BIRC3: variants seen among roughly 807,000 people sequenced by gnomAD.
The protein encoded by BIRC3 is baculoviral IAP repeat-containing protein 3.
In BIRC3, 26 loss-of-function variants were observed where a neutral mutation model predicts 59.0. The ratio of observed to expected loss-of-function variants is 0.44; its 90% CI spans 0.32 to 0.61. The LOEUF (loss-of-function observed/expected upper bound fraction) is 0.61. BIRC3 is among the 20% of genes least tolerant of loss of function. BIRC3 has a pLI of 0.04. For synonymous variants in BIRC3, 243 were observed against 249.2 expected (o/e 0.98, Z 0.24); for missense variants, 641 against 711.5 (o/e 0.90, Z 1.13).
intron 6 of BIRC3, among the ~76,000 whole-genome samples, chr11:102,333,187 G>C (rs1368992369): frequency 6.6e-6 from 1 of 151,986 alleles, no homozygotes; most frequent in Admixed American, 6.6e-5. Flanking sequence ...ACACATTTAG[G>C]TTAATGATTA....
chr11:102,321,613 C>G (rs1240344782), intron 1 of BIRC3, among the ~76,000 whole-genome samples: 1 of 152,180 alleles, frequency 6.6e-6, no homozygotes, highest in Non-Finnish European at 1.5e-5. Flanking sequence ...TCTTGGCCTC[C>G]CAAAATGCTG....
Position 102,323,334 on chromosome 11 carries a change from A to G in BIRC3, c.-1176A>G. On this transcript the variant is annotated 5_prime_UTR_variant, in exon 2 of 9. Transcript: ENST00000263464. ...TAACCTGAATATAGCAATGAAGTTC[A>G]GTTTTGTTATTGGTAGTTTGGGCAG... 1 of 193,510 alleles carries G rather than the reference A, an allele frequency of 5.2e-6. No individual in the cohort carries two copies. Among genetic ancestry groups the G allele is most frequent in the Non-Finnish European group, 1.1e-5 (1 of 92,616 alleles). The allele number at this position is 193,510 out of a possible 1,614,324, so 12.0% of individuals were successfully genotyped here.
At position 102,324,749 on chromosome 11, in the gene BIRC3, C is replaced by A. The variant is rs150392143; in HGVS notation, c.240C>A (p.Asp80Glu). ...GLMLDNWKRG[D>E]SPTEKHKKLY... The stretch of plus-strand genomic sequence containing the variant: ...TGCTGGATAACTGGAAAAGAGGAGA[C>A]AGTCCTACTGAAAAGCATAAAAAGT... The change falls in exon 2 of 9, where the codon GAC becomes GAA. Residue 80 changes from aspartate to glutamate, a missense_variant. Coordinates refer to ENST00000263464, the MANE Select transcript of BIRC3 (RefSeq NM_001165.5). 8.1e-6 allele frequency: 13 copies of A among 1,614,032 alleles called. No individual in the cohort carries two copies. The African/African-American group carries it at 1.6e-4, about 20-fold the overall frequency.
In BIRC3 at chr11:102,323,447, T is replaced by G. The variant is rs566100915; in HGVS notation, c.-1063T>G. 1.1e-5 allele frequency: 2 copies of G among 188,676 alleles called. No homozygotes were observed. The highest frequency in any genetic ancestry group is 4.7e-5 in the African/African-American group (2 of 43,006). The allele number at this position is 188,676 out of a possible 1,614,324, so 11.7% of individuals were successfully genotyped here. On this transcript the variant is annotated 5_prime_UTR_variant, in exon 2 of 9. Coordinates refer to ENST00000263464, the MANE Select transcript of BIRC3 (RefSeq NM_001165.5). ...AAGTATACTATTAGAATAAAAAAAC[T>G]TAACATTGAGTTGCTTCAACAGCAT...
chr11:102,333,561 A>G (rs986994406), intron 6 of BIRC3, among the ~76,000 whole-genome samples: 3 of 149,904 alleles, frequency 2.0e-5, no homozygotes, highest in Non-Finnish European at 4.4e-5. Flanking sequence ...AGAGTGAGAC[A>G]CTCTCTAAAA....
chr11:102,335,773 C>T lies in BIRC3; in HGVS notation c.1325-193C>T, dbSNP rs77301422. Among the ~76,000 whole-genome samples, 286 of 152,220 alleles carry T rather than the reference C, an allele frequency of 1.9e-3. 9 individuals are homozygous for T. Among genetic ancestry groups the T allele is most frequent in the East Asian group, 0.014 (74 of 5,182 alleles). ...CTGGTGCTACAGGCATGTGCCACTG[C>T]ACCCTGGATTATAATTATAATAACA... On this transcript the variant is annotated intron_variant, in intron 6 of 8. Transcript: ENST00000263464.
chr11:102,326,342 T>A (rs537460337), intron 3 of BIRC3, among the ~76,000 whole-genome samples: 2 of 152,340 alleles, frequency 1.3e-5, no homozygotes, highest in Non-Finnish European at 2.9e-5. Flanking sequence ...ACTCATCTCA[T>A]CTGTTTTAGT....
At chr11:102,327,914 C>G (rs1321497835) in intron 3 of BIRC3, 138 bp from the exon 4 acceptor site, 2 of 620,104 alleles carry the variant, frequency 3.2e-6, no homozygotes, top group East Asian at 3.1e-5. Flanking sequence ...AATAAATGAT[C>G]TTAAATGATT....
chr11:102,331,995 A>G (rs1951147202), intron 6 of BIRC3, among the ~76,000 whole-genome samples: 1 of 152,158 alleles, frequency 6.6e-6, no homozygotes, highest in Non-Finnish European at 1.5e-5. Flanking sequence ...CTGTGACTAT[A>G]CATTAATACA....
At chr11:102,332,358 G>T (rs2135790000) in intron 6 of BIRC3, among the ~76,000 whole-genome samples, 1 of 152,290 alleles carries the variant, frequency 6.6e-6, no homozygotes, top group South Asian at 2.1e-4. Flanking sequence ...AAGGAAAACG[G>T]AAGGGAATTA....
chr11:102,328,161 T>G (rs1425871223), intron 4 of BIRC3, 31 bp downstream of exon 4: 1 of 1,562,308 alleles, frequency 6.4e-7, no homozygotes. Flanking sequence ...AAATATTGGT[T>G]GCCATCAGAG....
At chr11:102,336,853 A>T in intron 8 of BIRC3, 52 bp downstream of exon 8, 2 of 1,587,002 alleles carry the variant, frequency 1.3e-6, no homozygotes, top group Non-Finnish European at 1.7e-6. Flanking sequence ...TTATTTTCTT[A>T]GTTTTTCACT....
In BIRC3 at chr11:102,322,550, A is replaced by T. The variant is rs897749132; in HGVS notation, c.-1960A>T. Reference sequence around the variant, plus strand: ...GGAAATGAAGAAACTTAGAAAATTAATATAAAGACAGTGATGAATACAAAG... The same window carrying T: ...GGAAATGAAGAAACTTAGAAAATTATTATAAAGACAGTGATGAATACAAAG... On this transcript the variant is annotated 5_prime_UTR_variant, in exon 2 of 9. Coordinates refer to ENST00000263464, the MANE Select transcript of BIRC3 (RefSeq NM_001165.5). The T allele has an allele frequency of 2.9e-5, 6 of 206,040 alleles. No homozygotes were observed. Among genetic ancestry groups the T allele is most frequent in the African/African-American group, 1.4e-4 (6 of 43,836 alleles). The allele number at this position is 206,040 out of a possible 1,614,324, so 12.8% of individuals were successfully genotyped here. A position where few individuals can be genotyped will look rare whatever the true frequency, so the allele number is the denominator to read the frequency against.
intron 1 of BIRC3, among the ~76,000 whole-genome samples, chr11:102,318,672 G>A (rs1227364621): frequency 6.6e-6 from 1 of 152,216 alleles, no homozygotes; most frequent in Non-Finnish European, 1.5e-5. Context: ...TGGGACTGGG[G>A]AGGTTGCCTT....
rs1951066720 is a variant in BIRC3 at position 102,324,950 on chromosome 11, C to G, written c.441C>G (p.Asn147Lys). The change falls in exon 2 of 9, where the codon AAC becomes AAG. Residue 147 changes from asparagine to lysine, a missense_variant. Asn to Lys is a moderately conservative substitution (Grantham distance 94). Coordinates refer to ENST00000263464, the MANE Select transcript of BIRC3 (RefSeq NM_001165.5). Reference sequence around the variant, plus strand: ...CAAACTCTCCATCAAATCCTGTAAACTCCAGAGCAAATCAAGATTTTTCTG... The same window carrying G: ...CAAACTCTCCATCAAATCCTGTAAAGTCCAGAGCAAATCAAGATTTTTCTG... ...SYSNSPSNPV[N>K]SRANQDFSAL... 6.2e-7 allele frequency: 1 copy of G among 1,614,072 alleles called. No homozygotes were observed. Among genetic ancestry groups the G allele is most frequent in the Non-Finnish European group, 8.5e-7 (1 of 1,180,024 alleles).
rs898754712 is a variant in BIRC3 at position 102,324,451 on chromosome 11, T to A, written c.-59T>A. The stretch of plus-strand genomic sequence containing the variant: ...ATTAAAACTGATAAAAGCAAAGCCA[T>A]GCACAAAACTACCTCCCTAGAGAAA... On this transcript the variant is annotated 5_prime_UTR_variant, in exon 2 of 9. An upstream start codon of the reference 5' UTR is lost. Coordinates refer to ENST00000263464, the MANE Select transcript of BIRC3 (RefSeq NM_001165.5). 32 of 1,520,138 alleles carry A rather than the reference T, an allele frequency of 2.1e-5. No homozygotes were observed. The highest frequency in any genetic ancestry group is 2.8e-5 in the Non-Finnish European group (32 of 1,136,846). The allele number at this position is 1,520,138 out of a possible 1,614,324, so 94.2% of individuals were successfully genotyped here. A position where few individuals can be genotyped will look rare whatever the true frequency, so the allele number is the denominator to read the frequency against.
chr11:102,334,754 T>C (rs1488949208), intron 6 of BIRC3, among the ~76,000 whole-genome samples: 2 of 152,202 alleles, frequency 1.3e-5, no homozygotes, highest in African/African-American at 4.8e-5. Context: ...GTTTTACCAA[T>C]GGATACAAAA....
At chr11:102,335,847 A>G (rs2135792326) in intron 6 of BIRC3, 119 bp from the exon 7 acceptor site, 2 of 1,044,306 alleles carry the variant, frequency 1.9e-6, no homozygotes, top group South Asian at 1.7e-5. Flanking sequence ...AGCAATCAAC[A>G]TCAATGCCTT....
Position 102,331,004 on chromosome 11 carries a change from C to T in BIRC3, c.1087C>T (p.His363Tyr). The T allele has an allele frequency of 6.2e-7, 1 of 1,608,870 alleles. No homozygotes were observed. The highest frequency in any genetic ancestry group is 8.5e-7 in the Non-Finnish European group (1 of 1,178,082). Residue 363 changes from histidine (H) to tyrosine (Y), a missense_variant, in exon 6 of 9, where the codon CAT becomes TAT. His to Tyr is a moderately conservative substitution (Grantham distance 83, BLOSUM62 2). Around this residue, in one of 4 missense-constraint regions of BIRC3, gnomAD observed 268 missense variants for 255.7 expected, o/e 1.05. Coordinates refer to ENST00000263464, the MANE Select transcript of BIRC3 (RefSeq NM_001165.5). ...GDENAESSII[H>Y]FEPGEDHSED... ...AAATTCTTTGTTCCATATAGTTATC[C>T]ATTTTGAACCTGGAGAAGACCATTC...
Sources: gnomAD v4.1 joint callset for allele counts (sites outside exome capture counted in the v4.1 genomes callset) on GRCh38, gnomAD v4.1.1 for gene constraint, gnomAD v4.1.1 regional missense constraint, MANE v1.5 for transcripts, NCBI Gene and HGNC (gene_info 2026-07-23, HGNC 2026-07-21) for gene names.